The following RSU1 variants were observed in gnomAD, a reference collection of about 807,000 sequenced individuals.
The protein encoded by RSU1 is rsu-1.
A neutral mutation model predicts 31.1 loss-of-function variants in RSU1; 26 were observed. The ratio of observed to expected loss-of-function variants is 0.84; its 90% CI spans 0.61 to 1.16. The LOEUF (loss-of-function observed/expected upper bound fraction) is 1.16, where lower values mean the gene tolerates loss of function less well. RSU1 is among the 50% of genes most tolerant of loss of function. The pLI is 0.00. For synonymous variants in RSU1, 164 were observed against 136.3 expected (o/e 1.20, Z -1.41); for missense variants, 320 against 339.1 (o/e 0.94, Z 0.44).
intron 4 of RSU1, among the ~76,000 whole-genome samples, chr10:16,756,412 A>G (rs1251554836): frequency 6.6e-6 from 1 of 152,180 alleles, no homozygotes; most frequent in Admixed American, 6.5e-5. Context: ...CCAATGAGAC[A>G]TGGATATTTT....
intron 4 of RSU1, among the ~76,000 whole-genome samples, chr10:16,762,396 C>A (rs1327621283): frequency 1.3e-5 from 2 of 151,548 alleles, no homozygotes; most frequent in African/African-American, 4.9e-5. Flanking sequence ...GTTTTAGCTT[C>A]TTTCTCACAT....
chr10:16,755,376 G>A (rs1837061653), intron 4 of RSU1, among the ~76,000 whole-genome samples: 1 of 151,450 alleles, frequency 6.6e-6, no homozygotes, highest in Admixed American at 6.6e-5. Context: ...TCTCACCTAG[G>A]CCTCCCAGAA....
intron 2 of RSU1, among the ~76,000 whole-genome samples, chr10:16,802,404 G>T (rs150536000): frequency 1.3e-5 from 2 of 151,982 alleles, no homozygotes; most frequent in Non-Finnish European, 2.9e-5. Context: ...GTGGGCCTAC[G>T]TCTATTAAAG....
chr10:16,669,386 C>T (rs375937884), intron 8 of RSU1, among the ~76,000 whole-genome samples: 11 of 149,678 alleles, frequency 7.3e-5, no homozygotes, highest in African/African-American at 2.7e-4. Context: ...CCCCCCAAAG[C>T]ACCATACTGC....
chr10:16,773,141 G>A (rs1837455706), intron 3 of RSU1, among the ~76,000 whole-genome samples: 1 of 151,858 alleles, frequency 6.6e-6, no homozygotes, highest in Non-Finnish European at 1.5e-5. Flanking sequence ...TAAGGCTGCA[G>A]TGAGCTGAGA....
chr10:16,758,845 T>C (rs993797758), intron 4 of RSU1, among the ~76,000 whole-genome samples: 1 of 152,192 alleles, frequency 6.6e-6, no homozygotes, highest in Non-Finnish European at 1.5e-5. Context: ...GTGCCACACT[T>C]GGTTAATCTC....
intron 7 of RSU1, among the ~76,000 whole-genome samples, chr10:16,749,436 C>A (rs1836926931): frequency 6.6e-6 from 1 of 152,156 alleles, no homozygotes; most frequent in Middle Eastern, 3.2e-3. Flanking sequence ...ACAGAAATCT[C>A]AAAAGCATTT....
intron 3 of RSU1, among the ~76,000 whole-genome samples, chr10:16,776,553 G>A (rs929324099): frequency 1.3e-5 from 2 of 151,208 alleles, no homozygotes; most frequent in Non-Finnish European, 2.9e-5. Flanking sequence ...GGCCATTTCC[G>A]ATGCATTAAA....
Position 16,707,183 on chromosome 10 carries a change from T to G in RSU1, c.599-12028A>C, listed in dbSNP as rs185509042. On this transcript the variant is annotated intron_variant, in intron 7 of 8. Coordinates refer to ENST00000345264, the MANE Select transcript of RSU1 (RefSeq NM_012425.4). Reference sequence around the variant, plus strand: ...GGTTGATTACGTATCTTAGTTATTGTAAACAGTGCTGCAATAAACATGGGA... The same window carrying G: ...GGTTGATTACGTATCTTAGTTATTGGAAACAGTGCTGCAATAAACATGGGA... Among the ~76,000 whole-genome samples, 10 of 152,358 alleles carry G rather than the reference T, an allele frequency of 6.6e-5. No homozygotes were observed. In the East Asian group the frequency reaches 1.9e-3, roughly 29 times the overall value.
rs542075144 is a variant in RSU1 at position 16,633,346 on chromosome 10, C to G, written c.732-39850G>C. 3.9e-5 allele frequency among the ~76,000 whole-genome samples: 6 copies of G among 152,178 alleles called. No individual in the cohort carries two copies. The South Asian group carries it at 1.2e-3, about 32-fold the overall frequency. On this transcript the variant is annotated intron_variant, in intron 8 of 8. Coordinates refer to ENST00000345264, the MANE Select transcript of RSU1 (RefSeq NM_012425.4). ...CTCTATAGACCAATTTAAAAATCAG[C>G]ACAGCTTAGGGTATGATGGCCCCTG...
At chr10:16,811,146 C>T (rs569809468) in intron 2 of RSU1, among the ~76,000 whole-genome samples, 7 of 152,174 alleles carry the variant, frequency 4.6e-5, no homozygotes, top group Admixed American at 1.3e-4. Flanking sequence ...GTTACAATTC[C>T]CTATGGGATT....
At chr10:16,798,581 G>A (rs992784991) in intron 2 of RSU1, among the ~76,000 whole-genome samples, 1 of 152,140 alleles carries the variant, frequency 6.6e-6, no homozygotes, top group Non-Finnish European at 1.5e-5. Flanking sequence ...CGCCATGATT[G>A]TAAGTTTCCT....
intron 7 of RSU1, among the ~76,000 whole-genome samples, chr10:16,742,978 T>C (rs1045993756): frequency 5.3e-5 from 8 of 152,180 alleles, no homozygotes; most frequent in African/African-American, 1.9e-4. Flanking sequence ...AAAAATATCA[T>C]GTAGGAGACT....
At chr10:16,709,789 G>A (rs1490887831) in intron 7 of RSU1, among the ~76,000 whole-genome samples, 1 of 152,132 alleles carries the variant, frequency 6.6e-6, no homozygotes, top group African/African-American at 2.4e-5. Context: ...CTGCATAAAT[G>A]TCTTCTTTTG....
chr10:16,677,841 T>G (rs1409103779), intron 8 of RSU1, among the ~76,000 whole-genome samples: 3 of 152,216 alleles, frequency 2.0e-5, no homozygotes, highest in African/African-American at 7.2e-5. Context: ...ATTTGTTAGT[T>G]GCAAGACACA....
At chr10:16,705,494 T>C (rs912717286) in intron 7 of RSU1, among the ~76,000 whole-genome samples, 7 of 152,124 alleles carry the variant, frequency 4.6e-5, no homozygotes, top group African/African-American at 1.7e-4. Context: ...CCCATGCATT[T>C]TATTTATTTT....
intron 7 of RSU1, among the ~76,000 whole-genome samples, chr10:16,747,037 C>CT (rs1491243504): frequency 1.3e-5 from 2 of 152,136 alleles, no homozygotes; most frequent in South Asian, 4.1e-4. Flanking sequence ...AAGAGAACCC[C>CT]TTTTTCCTAT....
intron 8 of RSU1, among the ~76,000 whole-genome samples, chr10:16,636,010 T>C (rs953028950): frequency 2.6e-5 from 4 of 152,220 alleles, no homozygotes; most frequent in African/African-American, 9.6e-5. Context: ...GACTGGCTGC[T>C]CCTCCTCAGT....
intron 3 of RSU1, among the ~76,000 whole-genome samples, chr10:16,777,048 A>C (rs921965048): frequency 6.6e-6 from 1 of 152,096 alleles, no homozygotes; most frequent in Non-Finnish European, 1.5e-5. Context: ...GGAAAACTTC[A>C]CTTAAAAACG....
Sources: gnomAD v4.1 joint callset for allele counts (sites outside exome capture counted in the v4.1 genomes callset) on GRCh38, gnomAD v4.1.1 for gene constraint, MANE v1.5 for transcripts, NCBI Gene and HGNC (gene_info 2026-07-23, HGNC 2026-07-21) for gene names.